The following GRID2 variants were observed in gnomAD, a reference collection of about 807,000 sequenced individuals.
GRID2 encodes glutamate ionotropic receptor delta type subunit 2, also known as glutamate receptor ionotropic, delta-2.
Under a neutral mutation model 114.8 loss-of-function variants are expected in GRID2, and 33 were observed. The ratio of observed to expected loss-of-function variants is 0.29; its 90% CI spans 0.22 to 0.38. The LOEUF is 0.38. GRID2 is among the 10% of genes least tolerant of loss of function. The pLI, the probability that GRID2 is intolerant of heterozygous loss-of-function variation, is 1.00. For synonymous variants in GRID2, 505 were observed against 449.9 expected (o/e 1.12, Z -1.55); for missense variants, 1,184 against 1,257.7 (o/e 0.94, Z 0.89).
intron 2 of GRID2, among the ~76,000 whole-genome samples, chr4:92,852,613 T>C (rs1743902842): frequency 6.6e-6 from 1 of 151,940 alleles, no homozygotes; most frequent in Non-Finnish European, 1.5e-5. Context: ...ATGATTTTTT[T>C]CCACAGTCCT....
intron 2 of GRID2, among the ~76,000 whole-genome samples, chr4:92,962,715 A>G (rs1263259760): frequency 6.6e-6 from 1 of 151,950 alleles, no homozygotes; most frequent in Non-Finnish European, 1.5e-5. Flanking sequence ...TCCTCAAGGC[A>G]AAACTCACAT....
intron 2 of GRID2, among the ~76,000 whole-genome samples, chr4:92,771,455 G>C (rs542923662): frequency 6.6e-6 from 1 of 152,156 alleles, no homozygotes; most frequent in Non-Finnish European, 1.5e-5. Context: ...TTCTAATAGA[G>C]TATACGGTGG....
intron 2 of GRID2, among the ~76,000 whole-genome samples, chr4:92,918,450 C>A (rs1749011074): frequency 6.6e-6 from 1 of 152,140 alleles, no homozygotes; most frequent in Non-Finnish European, 1.5e-5. Context: ...GGGAATGCTT[C>A]CAGTTTTTGC....
chr4:93,211,497 C>CA (rs1743471132), intron 5 of GRID2, among the ~76,000 whole-genome samples: 1 of 151,982 alleles, frequency 6.6e-6, no homozygotes, highest in Non-Finnish European at 1.5e-5. Flanking sequence ...ATAAACAAAG[C>CA]AATCTCACTG....
chr4:92,873,291 T>C (rs1374508574), intron 2 of GRID2, among the ~76,000 whole-genome samples: 2 of 152,162 alleles, frequency 1.3e-5, no homozygotes, highest in Non-Finnish European at 2.9e-5. Flanking sequence ...ATAGATCTTA[T>C]TACTTTTATT....
At chr4:92,512,747 T>G (rs2149132998) in intron 1 of GRID2, among the ~76,000 whole-genome samples, 1 of 151,980 alleles carries the variant, frequency 6.6e-6, no homozygotes, top group Admixed American at 6.6e-5. Flanking sequence ...ATATCTCAAC[T>G]GGCAAATCAT....
intron 13 of GRID2, among the ~76,000 whole-genome samples, chr4:93,593,037 G>A (rs550979187): frequency 0.032 from 4,812 of 151,682 alleles, 244 homozygotes; most frequent in African/African-American, 0.11. Context: ...TCTTTTAATT[G>A]GAGAATTTAG....
intron 2 of GRID2, among the ~76,000 whole-genome samples, chr4:92,772,296 C>A (rs1177630763): frequency 6.6e-6 from 1 of 152,142 alleles, no homozygotes; most frequent in Non-Finnish European, 1.5e-5. Context: ...ATCAGACTAA[C>A]TACATATCTC....
At chr4:92,642,414 T>A (rs891968493) in intron 2 of GRID2, among the ~76,000 whole-genome samples, 1 of 151,902 alleles carries the variant, frequency 6.6e-6, no homozygotes, top group Non-Finnish European at 1.5e-5. Flanking sequence ...TTTTCATATG[T>A]TTGTGGGCTA....
intron 2 of GRID2, among the ~76,000 whole-genome samples, chr4:92,988,529 C>A (rs1379065488): frequency 3.3e-5 from 5 of 152,104 alleles, no homozygotes; most frequent in Non-Finnish European, 1.5e-5. Context: ...GTCACTAGAT[C>A]CAGATCTCAC....
At chr4:93,696,013 A>G (rs918738408) in intron 14 of GRID2, among the ~76,000 whole-genome samples, 1 of 152,226 alleles carries the variant, frequency 6.6e-6, no homozygotes, top group African/African-American at 2.4e-5. Context: ...TTCACAAAGA[A>G]CGTATTTACA....
chr4:93,502,631 C>T (rs192269127), intron 12 of GRID2, among the ~76,000 whole-genome samples: 2 of 151,726 alleles, frequency 1.3e-5, no homozygotes, highest in African/African-American at 4.8e-5. Flanking sequence ...CCCATCAATT[C>T]TCTGATGCTC....
At chr4:93,436,400 A>G (rs769906692) in intron 10 of GRID2, among the ~76,000 whole-genome samples, 3 of 152,120 alleles carry the variant, frequency 2.0e-5, no homozygotes, top group Non-Finnish European at 4.4e-5. Flanking sequence ...ATTGTGTTCA[A>G]GAGGAGGCAG....
chr4:92,901,881 GT>G (rs779218805), intron 2 of GRID2, among the ~76,000 whole-genome samples: 2 of 151,716 alleles, frequency 1.3e-5, no homozygotes, highest in African/African-American at 2.4e-5. Flanking sequence ...TATTGGCTTG[GT>G]ATAATGTGCT....
At chr4:93,253,274 A>T (rs1749191288) in intron 8 of GRID2, among the ~76,000 whole-genome samples, 1 of 151,950 alleles carries the variant, frequency 6.6e-6, no homozygotes, top group Non-Finnish European at 1.5e-5. Flanking sequence ...AAACAAAACA[A>T]AAAACTCAGT....
At chr4:93,130,511 A>C (rs1211378968) in intron 4 of GRID2, among the ~76,000 whole-genome samples, 1 of 152,174 alleles carries the variant, frequency 6.6e-6, no homozygotes, top group Non-Finnish European at 1.5e-5. Context: ...GAAAGAGAAA[A>C]TTTCAGATAA....
chr4:92,824,739 A>G (rs1347261601), intron 2 of GRID2, among the ~76,000 whole-genome samples: 3 of 152,098 alleles, frequency 2.0e-5, no homozygotes, highest in Non-Finnish European at 4.4e-5. Context: ...CTGTATAAAT[A>G]ATATTAAGAA....
chr4:92,322,265 G>T (rs991137412), intron 1 of GRID2, among the ~76,000 whole-genome samples: 1 of 151,718 alleles, frequency 6.6e-6, no homozygotes, highest in African/African-American at 2.4e-5. Context: ...GAAGTAGATG[G>T]CTAAAATGTT....
Position 93,434,560 on chromosome 4 carries a change from C to CA in GRID2, c.1545+11601dup, listed in dbSNP as rs796414457. On this transcript the variant is annotated intron_variant, in intron 10 of 15. Coordinates refer to ENST00000282020, the MANE Select transcript of GRID2 (RefSeq NM_001510.4). ...CAGCAGCAGAAAACAAAAACAAAAA[C>CA]AAAAAAAAACAGCCTTTATTTCCAT... 5.0e-3 allele frequency among the ~76,000 whole-genome samples: 747 copies of CA among 150,470 alleles called. 3 individuals are homozygous for CA. The highest frequency in any genetic ancestry group is 8.1e-3 in the African/African-American group (331 of 41,076).
Sources: allele counts gnomAD v4.1 joint callset (sites outside exome capture counted in the v4.1 genomes callset), GRCh38; gene constraint gnomAD v4.1.1; transcripts MANE v1.5; gene names NCBI Gene and HGNC (gene_info 2026-07-23, HGNC 2026-07-21).